RASGRP3: variants seen among roughly 807,000 people sequenced by gnomAD.
RASGRP3 encodes the protein RAS guanyl releasing protein 3, also known as ras guanyl-releasing protein 3.
A neutral mutation model predicts 82.7 loss-of-function variants in RASGRP3; 54 were observed. The observed-to-expected ratio is 0.65, with a 90% CI of 0.52 to 0.82. The LOEUF (loss-of-function observed/expected upper bound fraction) is 0.82, where lower values mean the gene tolerates loss of function less well. Ranked by LOEUF, RASGRP3 falls within the 40% of genes least tolerant of loss-of-function variation. The probability of loss-of-function intolerance (pLI) is 0.00; values close to 1 mark genes in which losing one functional copy is unlikely to be tolerated. For missense variants in RASGRP3, 861 were observed against 828.9 expected (o/e 1.04, Z -0.48); for synonymous variants, 309 against 300.5 (o/e 1.03, Z -0.29).
At chr2:33,453,622 C>T (rs530925041) in intron 2 of RASGRP3, among the ~76,000 whole-genome samples, 3 of 152,240 alleles carry the variant, frequency 2.0e-5, no homozygotes, top group African/African-American at 7.2e-5. Context: ...TTTTTATGAC[C>T]TTGCCTTGGA....
At position 33,520,700 on chromosome 2, in the gene RASGRP3, A is replaced by T; in HGVS notation, c.368+16A>T. 1 of 1,613,448 alleles carries T rather than the reference A, an allele frequency of 6.2e-7. No individual in the cohort carries two copies. Among genetic ancestry groups the T allele is most frequent in the Non-Finnish European group, 8.5e-7 (1 of 1,179,470 alleles). On this transcript the variant is annotated intron_variant, in intron 6 of 17. Coordinates refer to ENST00000403687, the MANE Select transcript of RASGRP3 (RefSeq NM_001139488.2). Reference sequence around the variant, plus strand: ...TATCCAGCATGTAAGAGTGGCACCGACGTCTTTCACACCCAATAAGTCCAC... The same window carrying T: ...TATCCAGCATGTAAGAGTGGCACCGTCGTCTTTCACACCCAATAAGTCCAC...
intron 16 of RASGRP3, 118 bp from the exon 17 acceptor site, chr2:33,558,554 G>C: frequency 1.8e-6 from 2 of 1,125,934 alleles, no homozygotes; most frequent in Non-Finnish European, 2.5e-6. Flanking sequence ...ATTGAGTTCT[G>C]TCCCTTGTCG....
chr2:33,473,376 C>T (rs550415132), upstream of RASGRP3, among the ~76,000 whole-genome samples: 1 of 145,268 alleles, frequency 6.9e-6, no homozygotes, highest in South Asian at 2.3e-4. Flanking sequence ...CAGTGAGACT[C>T]CGTCTCAAAA....
chr2:33,562,744 G>A lies in RASGRP3; in HGVS notation c.*7G>A, dbSNP rs1408779211. The A allele has an allele frequency of 1.2e-6, 2 of 1,613,492 alleles. No individual in the cohort carries two copies. The highest frequency in any genetic ancestry group is 1.7e-4 in the Middle Eastern group (1 of 6,060). On this transcript the variant is annotated 3_prime_UTR_variant, in exon 18 of 18. Coordinates refer to ENST00000403687, the MANE Select transcript of RASGRP3 (RefSeq NM_001139488.2). ...TGTGTTTCAGGATGGCTGACTTCAG[G>A]CTGCGGAAACTGAAGGCAATAATGT...
intron 15 of RASGRP3, among the ~76,000 whole-genome samples, chr2:33,556,617 A>G (rs911360025): frequency 2.1e-4 from 32 of 152,300 alleles, no homozygotes; most frequent in African/African-American, 7.5e-4. Context: ...TTAATCACAG[A>G]ATACCTTCAG....
At chr2:33,491,012 T>G (rs1220024960) in intron 1 of RASGRP3, among the ~76,000 whole-genome samples, 1 of 152,214 alleles carries the variant, frequency 6.6e-6, no homozygotes, top group Non-Finnish European at 1.5e-5. Flanking sequence ...TACACTTTTA[T>G]TAGATTAAAA....
chr2:33,478,772 G>A (rs936657457), intron 1 of RASGRP3, among the ~76,000 whole-genome samples: 5 of 152,204 alleles, frequency 3.3e-5, no homozygotes, highest in Non-Finnish European at 7.3e-5. Flanking sequence ...ACGGTGCAGA[G>A]CCAGAAGAGA....
chr2:33,542,338 G>A (rs1465451985), intron 12 of RASGRP3, among the ~76,000 whole-genome samples: 1 of 146,476 alleles, frequency 6.8e-6, no homozygotes, highest in East Asian at 1.9e-4. Flanking sequence ...ATGTAGCTGT[G>A]TAGAATATTT....
chr2:33,527,928 C>A (rs1261191073), intron 10 of RASGRP3, among the ~76,000 whole-genome samples: 1 of 152,198 alleles, frequency 6.6e-6, no homozygotes, highest in Non-Finnish European at 1.5e-5. Context: ...TCTTTGCCAT[C>A]ACCCTATCCC....
intron 1 of RASGRP3, among the ~76,000 whole-genome samples, chr2:33,483,768 T>C (rs575050524): frequency 2.0e-5 from 3 of 152,124 alleles, no homozygotes; most frequent in Non-Finnish European, 4.4e-5. Flanking sequence ...GGATTACAGG[T>C]GTGAGCCACT....
intron 17 of RASGRP3, 85 bp from the exon 18 acceptor site, chr2:33,562,644 G>A: frequency 2.1e-6 from 3 of 1,454,062 alleles, no homozygotes; most frequent in Non-Finnish European, 2.9e-6. Flanking sequence ...TTCCCTCAAA[G>A]TCATCTGAAA....
intron 1 of RASGRP3, among the ~76,000 whole-genome samples, chr2:33,494,952 C>T (rs1669179368): frequency 6.6e-6 from 1 of 152,202 alleles, no homozygotes; most frequent in Non-Finnish European, 1.5e-5. Flanking sequence ...TCCAAATTTA[C>T]TTTCTTGTTC....
At chr2:33,518,819 C>A (rs566644727) in intron 4 of RASGRP3, among the ~76,000 whole-genome samples, 2 of 152,138 alleles carry the variant, frequency 1.3e-5, no homozygotes, top group Non-Finnish European at 2.9e-5. Context: ...TCACTGTCTT[C>A]CACCTCTATC....
chr2:33,542,578 A>G lies in RASGRP3; in HGVS notation c.1279-934A>G, dbSNP rs111399008. On this transcript the variant is annotated intron_variant, in intron 12 of 17. Transcript: ENST00000403687. ...GGTATTTGAATTTGTAAATTCACTA[A>G]GCCAATTTCTACTCAACCCTGAGGT... Among the ~76,000 whole-genome samples the G allele has an allele frequency of 4.3e-3, 627 of 147,470 alleles. 23 individuals carry two copies. Among genetic ancestry groups the G allele is most frequent in the African/African-American group, 0.014 (591 of 41,226 alleles).
chr2:33,534,100 G>C, intron 10 of RASGRP3: 1 of 534,814 alleles, frequency 1.9e-6, no homozygotes, highest in Non-Finnish European at 3.4e-6. Flanking sequence ...TATTGCTGAG[G>C]AATTGAGTTG....
chr2:33,440,086 G>C lies in RASGRP3; in HGVS notation c.-385+3495G>C, dbSNP rs367748943. 6.6e-5 allele frequency among the ~76,000 whole-genome samples: 10 copies of C among 152,142 alleles called. No homozygotes were observed. The East Asian group carries it at 7.7e-4, about 12-fold the overall frequency. On this transcript the variant is annotated intron_variant, in intron 1 of 18. Coordinates refer to the RASGRP3 transcript ENST00000402538. ...AGAAATGGCCAAAGAGACAGCAGCA[G>C]GTCAGGGAGTTAGTGAGAGGGATGG...
intron 2 of RASGRP3, among the ~76,000 whole-genome samples, chr2:33,470,505 G>C (rs11682095): frequency 6.6e-6 from 1 of 151,082 alleles, no homozygotes; most frequent in East Asian, 2.0e-4. Context: ...TCAGCCTCCC[G>C]AGTAGCTGGG....
intron 17 of RASGRP3, among the ~76,000 whole-genome samples, chr2:33,561,359 G>A (rs1277803147): frequency 2.6e-5 from 4 of 152,104 alleles, no homozygotes; most frequent in Admixed American, 6.6e-5. Flanking sequence ...AAGCCATCGC[G>A]CCCAGCTGTG....
At chr2:33,524,095 C>A in intron 8 of RASGRP3, 43 bp downstream of exon 8, 1 of 1,588,124 alleles carries the variant, frequency 6.3e-7, no homozygotes, top group South Asian at 1.1e-5. Context: ...TCTAGATGTT[C>A]GTTCACTCTG....
Sources: gnomAD v4.1 joint callset for allele counts (sites outside exome capture counted in the v4.1 genomes callset) on GRCh38, gnomAD v4.1.1 for gene constraint, MANE v1.5 for transcripts, NCBI Gene and HGNC (gene_info 2026-07-23, HGNC 2026-07-21) for gene names.